The following KCNIP4 variants were observed in gnomAD, a reference collection of about 807,000 sequenced individuals.
The protein encoded by KCNIP4 is Kv channel-interacting protein 4.
KCNIP4 carries 12 observed loss-of-function variants against 34.0 expected under a neutral mutation model. The observed-to-expected ratio is 0.35, with a 90% CI of 0.23 to 0.57. KCNIP4 has a LOEUF of 0.57. Ranked by LOEUF, KCNIP4 falls within the 20% of genes least tolerant of loss-of-function variation. KCNIP4 has a pLI of 0.83. For synonymous variants in KCNIP4, 124 were observed against 102.2 expected (o/e 1.21, Z -1.29); for missense variants, 238 against 311.7 (o/e 0.76, Z 1.78).
intron 1 of KCNIP4, among the ~76,000 whole-genome samples, chr4:21,887,521 A>C (rs1042142515): frequency 3.3e-5 from 5 of 152,130 alleles, no homozygotes; most frequent in Non-Finnish European, 5.9e-5. Flanking sequence ...TTTAGTCCAC[A>C]TCACCTGGGG....
At chr4:21,209,760 T>C (rs1006967258) in intron 1 of KCNIP4, among the ~76,000 whole-genome samples, 3 of 152,162 alleles carry the variant, frequency 2.0e-5, no homozygotes, top group Admixed American at 1.3e-4. Context: ...GTTGAGAATA[T>C]AGTAGGTACT....
rs141904741 is a variant in KCNIP4 at position 21,534,034 on chromosome 4, G to A, written c.61+414537C>T. The stretch of plus-strand genomic sequence containing the variant: ...GGCTAGACTACTGTATTTGAATTAC[G>A]GCTCTGTCACACACTAAATATATGA... On this transcript the variant is annotated intron_variant, in intron 1 of 8. Transcript: ENST00000382152. Among the ~76,000 whole-genome samples the A allele has an allele frequency of 2.3e-3, 349 of 152,182 alleles. 3 individuals carry two copies. Among genetic ancestry groups the A allele is most frequent in the African/African-American group, 8.0e-3 (331 of 41,522 alleles).
At chr4:21,286,372 T>G (rs1427048577) in intron 1 of KCNIP4, among the ~76,000 whole-genome samples, 1 of 152,182 alleles carries the variant, frequency 6.6e-6, no homozygotes, top group Non-Finnish European at 1.5e-5. Flanking sequence ...ACATGTTATA[T>G]AGTAGACAGC....
At chr4:21,899,720 C>A (rs1727602206) in intron 1 of KCNIP4, among the ~76,000 whole-genome samples, 2 of 151,904 alleles carry the variant, frequency 1.3e-5, no homozygotes, top group African/African-American at 4.8e-5. Flanking sequence ...TACTTAGATG[C>A]AAACTTAATT....
At chr4:21,690,321 A>C (rs116200626) in intron 1 of KCNIP4, among the ~76,000 whole-genome samples, 1,679 of 152,032 alleles carry the variant, frequency 0.011, 37 homozygotes, top group African/African-American at 0.038. Context: ...CCAAGAAAAG[A>C]TGTTGATATG....
At chr4:20,919,620 G>A (rs1251075263) in intron 1 of KCNIP4, among the ~76,000 whole-genome samples, 1 of 149,806 alleles carries the variant, frequency 6.7e-6, no homozygotes, top group Non-Finnish European at 1.5e-5. Context: ...GGAGAATGGC[G>A]TGAACACGGG....
intron 1 of KCNIP4, among the ~76,000 whole-genome samples, chr4:21,022,564 A>C (rs1465273427): frequency 6.6e-6 from 1 of 152,236 alleles, no homozygotes; most frequent in Non-Finnish European, 1.5e-5. Context: ...TGAGATGAAA[A>C]TCCACAGGAA....
chr4:21,308,607 C>A (rs1195607810), intron 1 of KCNIP4, among the ~76,000 whole-genome samples: 1 of 152,278 alleles, frequency 6.6e-6, no homozygotes, highest in East Asian at 1.9e-4. Context: ...AAACAAACAT[C>A]ACCAGCATAA....
chr4:21,137,881 T>TTTTTC (rs1751630330), intron 1 of KCNIP4, among the ~76,000 whole-genome samples: 1 of 145,538 alleles, frequency 6.9e-6, no homozygotes, highest in African/African-American at 2.6e-5. Context: ...CTTTTTTGTT[T>TTTTTC]TTTTTTTTTT....
At chr4:21,912,063 G>A (rs748527730) in intron 1 of KCNIP4, among the ~76,000 whole-genome samples, 13 of 151,676 alleles carry the variant, frequency 8.6e-5, no homozygotes, top group Non-Finnish European at 1.9e-4. Flanking sequence ...AACCATAACT[G>A]CAACATTATT....
intron 1 of KCNIP4, among the ~76,000 whole-genome samples, chr4:21,749,891 T>C (rs1291017310): frequency 6.6e-6 from 1 of 152,196 alleles, no homozygotes; most frequent in African/African-American, 2.4e-5. Flanking sequence ...ACTTAGAGTC[T>C]AAGTTACTTA....
chr4:21,444,471 A>G (rs1000396244), intron 1 of KCNIP4, among the ~76,000 whole-genome samples: 33 of 152,252 alleles, frequency 2.2e-4, no homozygotes, highest in Non-Finnish European at 4.3e-4. Context: ...CTGGTTCAAC[A>G]TACGCAAATC....
intron 1 of KCNIP4, among the ~76,000 whole-genome samples, chr4:21,235,260 C>T (rs11733487): frequency 0.73 from 111,135 of 152,014 alleles, 41,915 homozygotes; most frequent in African/African-American, 0.92. Flanking sequence ...CTTAGGTTTA[C>T]AGACCCCTGA....
chr4:21,760,411 C>T (rs895064668), intron 1 of KCNIP4, among the ~76,000 whole-genome samples: 1 of 149,326 alleles, frequency 6.7e-6, no homozygotes, highest in African/African-American at 2.5e-5. Context: ...CAATGAAAAA[C>T]TTGGCTTAAA....
At chr4:21,175,352 G>A (rs900897527) in intron 1 of KCNIP4, among the ~76,000 whole-genome samples, 2 of 152,084 alleles carry the variant, frequency 1.3e-5, no homozygotes, top group African/African-American at 2.4e-5. Flanking sequence ...ATCCTTATCC[G>A]TGAGGGATAT....
chr4:21,378,583 T>C (rs927417365), intron 1 of KCNIP4, among the ~76,000 whole-genome samples: 1 of 152,176 alleles, frequency 6.6e-6, no homozygotes, highest in African/African-American at 2.4e-5. Context: ...TCTTAAATAC[T>C]AACCTGTTGA....
chr4:21,302,947 C>T (rs896061499), intron 1 of KCNIP4, among the ~76,000 whole-genome samples: 1 of 152,058 alleles, frequency 6.6e-6, no homozygotes, highest in South Asian at 2.1e-4. Flanking sequence ...ATAACTACGT[C>T]AAACATCATC....
At chr4:21,409,175 T>C (rs1724268221) in intron 1 of KCNIP4, among the ~76,000 whole-genome samples, 1 of 151,948 alleles carries the variant, frequency 6.6e-6, no homozygotes. Flanking sequence ...GGCATGATCA[T>C]AGCTCACTGC....
intron 1 of KCNIP4, among the ~76,000 whole-genome samples, chr4:21,765,236 A>T (rs1296624321): frequency 6.6e-6 from 1 of 151,180 alleles, no homozygotes; most frequent in Non-Finnish European, 1.5e-5. Flanking sequence ...GCTTACTGCA[A>T]CCTCGACCTC....
Sources: allele counts gnomAD v4.1 joint callset (sites outside exome capture counted in the v4.1 genomes callset), GRCh38; gene constraint gnomAD v4.1.1; transcripts MANE v1.5; gene names NCBI Gene and HGNC (gene_info 2026-07-23, HGNC 2026-07-21).